The following C2CD3 variants were observed in gnomAD, a reference collection of about 807,000 sequenced individuals.
C2CD3 encodes the protein C2 domain containing 3 centriole elongation regulator, also known as C2 domain-containing protein 3.
C2CD3 carries 148 observed loss-of-function variants against 234.0 expected under a neutral mutation model. That is an observed-to-expected ratio of 0.63 (90% CI 0.55 to 0.72). C2CD3 has a LOEUF of 0.72. Ranked by LOEUF, C2CD3 falls within the 30% of genes least tolerant of loss-of-function variation. C2CD3 has a pLI of 0.00. For missense variants in C2CD3, 2,577 were observed against 2,811.5 expected (o/e 0.92, Z 1.89); for synonymous variants, 1,000 against 1,035.4 (o/e 0.97, Z 0.66).
At chr11:74,082,839 T>C (rs1307572765) in intron 22 of C2CD3, among the ~76,000 whole-genome samples, 2 of 152,140 alleles carry the variant, frequency 1.3e-5, no homozygotes, top group African/African-American at 2.4e-5. Flanking sequence ...ATAGGAAGAA[T>C]CAATATTGTG....
intron 3 of C2CD3, among the ~76,000 whole-genome samples, chr11:74,155,832 G>A (rs1855976255): frequency 6.6e-6 from 1 of 152,086 alleles, no homozygotes; most frequent in Admixed American, 6.5e-5. Flanking sequence ...AAAAACCACT[G>A]AATTGTGCAC....
chr11:74,162,540 T>G (rs989994213), intron 2 of C2CD3, among the ~76,000 whole-genome samples: 2 of 152,290 alleles, frequency 1.3e-5, no homozygotes, highest in Middle Eastern at 3.4e-3. Context: ...CTGGAAAAAG[T>G]AATTTAACTT....
chr11:74,028,908 C>T (rs879830670), intron 31 of C2CD3, among the ~76,000 whole-genome samples: 2 of 152,202 alleles, frequency 1.3e-5, no homozygotes, highest in Non-Finnish European at 2.9e-5. Flanking sequence ...TGGGATGTGG[C>T]TCCAGGGGGC....
chr11:74,034,467 T>C (rs902176579), intron 30 of C2CD3, 189 bp from the exon 31 acceptor site: 1 of 1,558,586 alleles, frequency 6.4e-7, no homozygotes, highest in Middle Eastern at 1.7e-4. Context: ...TTTATTCTAA[T>C]ATCAGAGGAC....
At chr11:74,087,187 T>C (rs1470398065) in intron 20 of C2CD3, among the ~76,000 whole-genome samples, 1 of 152,178 alleles carries the variant, frequency 6.6e-6, no homozygotes, top group African/African-American at 2.4e-5. Flanking sequence ...TTAATGTGCA[T>C]CCATACAATA....
Position 74,168,391 on chromosome 11 carries a change from C to T in C2CD3, c.278G>A (p.Arg93His), listed in dbSNP as rs756047800. ...TEPKAVRTTTRYAIRCGPKQF... is the reference protein window; with the variant it reads ...TEPKAVRTTTHYAIRCGPKQF... ...TTTTGGACCACAACGAATAGCGTAA[C>T]GTGTAGTTGTTCTCACAGCTTTTGG... Residue 93 changes from arginine to histidine, a missense_variant, in exon 2 of 33, where the codon CGT (arginine) becomes CAT (histidine). Coordinates refer to ENST00000334126, the MANE Select transcript of C2CD3 (RefSeq NM_001286577.2). 34 of 1,613,846 alleles carry T rather than the reference C, an allele frequency of 2.1e-5. No individual in the cohort carries two copies. Among genetic ancestry groups the T allele is most frequent in the Middle Eastern group, 3.3e-4 (2 of 6,084 alleles).
Position 74,074,526 on chromosome 11 carries a change from A to G in C2CD3, c.4678T>C (p.Ser1560Pro), listed in dbSNP as rs780023065. The change falls in exon 24 of 33, where the codon TCT becomes CCT. Residue 1560 changes from serine (S) to proline (P), a missense_variant. Physicochemically the swap from Ser to Pro is moderately conservative, Grantham distance 74. Coordinates refer to ENST00000334126, the MANE Select transcript of C2CD3 (RefSeq NM_001286577.2). The stretch of plus-strand genomic sequence containing the variant: ...GTGGGCTCAAGGTGTGAGGAAAGAG[A>G]GGAAAGAACCACATGAACTCGCAAG... ...AALRVHVVLS[S>P]LSSHLEPTHE... 1.2e-6 allele frequency: 2 copies of G among 1,614,196 alleles called. No individual in the cohort carries two copies. The highest frequency in any genetic ancestry group is 8.5e-7 in the Non-Finnish European group (1 of 1,180,018).
At chr11:74,128,407 C>A (rs1040226802) in intron 7 of C2CD3, 4 of 152,056 alleles carry the variant, frequency 2.6e-5, no homozygotes, top group African/African-American at 9.7e-5. Context: ...ATTTATGTAT[C>A]TTTTCTTGTT....
At chr11:74,028,884 GGGGATGTGGGGATT>G (rs1403435847) in intron 31 of C2CD3, among the ~76,000 whole-genome samples, 1 of 152,198 alleles carries the variant, frequency 6.6e-6, no homozygotes, top group Admixed American at 6.5e-5. Context: ...AAGTCAGTCA[GGGGATGTGGGGATT>G]GGGATGTGGC....
chr11:74,082,975 G>A (rs1442961618), intron 22 of C2CD3, among the ~76,000 whole-genome samples: 4 of 152,122 alleles, frequency 2.6e-5, no homozygotes, highest in African/African-American at 7.2e-5. Flanking sequence ...AAAAGAGCCC[G>A]CATTGCCAAG....
chr11:74,117,039 C>T (rs528815845), intron 9 of C2CD3, among the ~76,000 whole-genome samples: 6 of 65,576 alleles, frequency 9.1e-5, no homozygotes, highest in South Asian at 4.2e-4. Flanking sequence ...TGTATATATA[C>T]GTGTGTGTGT....
intron 3 of C2CD3, among the ~76,000 whole-genome samples, chr11:74,156,533 G>C (rs1043560331): frequency 3.3e-5 from 5 of 150,768 alleles, no homozygotes; most frequent in Non-Finnish European, 5.9e-5. Context: ...AAAAAAACTA[G>C]GTGCTGTGGA....
chr11:74,161,169 G>A (rs1856433850), intron 3 of C2CD3, among the ~76,000 whole-genome samples: 1 of 152,178 alleles, frequency 6.6e-6, no homozygotes, highest in Non-Finnish European at 1.5e-5. Flanking sequence ...AATGAATGCT[G>A]TAGGAGGTGT....
At chr11:74,132,727 G>A in intron 7 of C2CD3, 117 bp downstream of exon 7, 1 of 949,146 alleles carries the variant, frequency 1.1e-6, no homozygotes, top group Non-Finnish European at 1.6e-6. Flanking sequence ...TTAAGGAATA[G>A]GGAAGGGCTT....
chr11:74,034,107 G>A lies in C2CD3; in HGVS notation c.6053C>T (p.Ser2018Phe), dbSNP rs1180073709. 4 of 1,536,076 alleles carry A rather than the reference G, an allele frequency of 2.6e-6. No homozygotes were observed. In the African/African-American group the frequency reaches 5.5e-5, roughly 21 times the overall value. The change falls in exon 31 of 33, where the codon TCC (serine) becomes TTC (phenylalanine). Residue 2018 changes from serine (S) to phenylalanine (F), a missense_variant. Coordinates refer to ENST00000334126, the MANE Select transcript of C2CD3 (RefSeq NM_001286577.2). ...LVRAPDKGTD[S>F]PSPPPLEETS... ...CTCTTCGAGAGGAGGGGGTGATGGG[G>A]AATCTGTGCCTTTATCTGGAGCTCT...
chr11:74,018,474 C>T (rs1951957186), intron 32 of C2CD3, among the ~76,000 whole-genome samples: 1 of 152,168 alleles, frequency 6.6e-6, no homozygotes, highest in Non-Finnish European at 1.5e-5. Flanking sequence ...ACAGTAGCCC[C>T]TTTAAGTGAC....
chr11:74,038,033 T>G (rs749721386), intron 29 of C2CD3, among the ~76,000 whole-genome samples: 1 of 152,186 alleles, frequency 6.6e-6, no homozygotes, highest in Non-Finnish European at 1.5e-5. Context: ...AAAGCCCTAC[T>G]CTGCGCTAAC....
At chr11:74,057,578 A>G in intron 24 of C2CD3, 34 bp from the exon 25 acceptor site, 1 of 1,612,438 alleles carries the variant, frequency 6.2e-7, no homozygotes, top group Non-Finnish European at 8.5e-7. Flanking sequence ...ACTGTACTTT[A>G]GGGTACACAA....
chr11:74,127,206 CCT>C (rs768630131), intron 7 of C2CD3, among the ~76,000 whole-genome samples: 79 of 152,172 alleles, frequency 5.2e-4, no homozygotes, highest in Admixed American at 5.2e-4. Context: ...GGGGTCTCCC[CCT>C]GTTGCCCAGG....
Sources: gnomAD v4.1 joint callset for allele counts (sites outside exome capture counted in the v4.1 genomes callset) on GRCh38, gnomAD v4.1.1 for gene constraint, MANE v1.5 for transcripts, NCBI Gene and HGNC (gene_info 2026-07-23, HGNC 2026-07-21) for gene names.